Variants in ASTN1 observed in about 807,000 individuals in gnomAD.
The protein encoded by ASTN1 is astrotactin 1, also known as astrotactin-1.
ASTN1 carries 41 observed loss-of-function variants against 140.7 expected under a neutral mutation model. That is an observed-to-expected ratio of 0.29 (90% CI 0.23 to 0.38). ASTN1 has a LOEUF of 0.38. ASTN1 is among the 10% of genes least tolerant of loss of function. The pLI is 1.00. For missense variants in ASTN1, 1,479 were observed against 1,678.8 expected (o/e 0.88, Z 2.08); for synonymous variants, 640 against 652.2 (o/e 0.98, Z 0.29).
At chr1:177,105,232 T>C (rs1680494694) in intron 1 of ASTN1, among the ~76,000 whole-genome samples, 1 of 152,178 alleles carries the variant, frequency 6.6e-6, no homozygotes, top group Non-Finnish European at 1.5e-5. Flanking sequence ...TCACACTGGA[T>C]ACTTGGTAGT....
At chr1:177,136,470 A>C (rs1283943552) in intron 1 of ASTN1, among the ~76,000 whole-genome samples, 3 of 150,438 alleles carry the variant, frequency 2.0e-5, no homozygotes, top group African/African-American at 7.3e-5. Context: ...CTCCTGTCTC[A>C]GTCTTCTGAG....
Position 177,164,511 on chromosome 1 carries a change from T to G in ASTN1, c.166A>C (p.Met56Leu), listed in dbSNP as rs1467993889. ...GGCTCCGAGGCCGAGGGGCTGTGCA[T>G]GATGCTCAGGTCGTTCTCGCGCAGG... ...PFLRENDLSIMHSPSASEPKL... is the reference protein window; with the variant it reads ...PFLRENDLSILHSPSASEPKL... Residue 56 changes from methionine to leucine, a missense_variant, in exon 1 of 23, where the codon ATG becomes CTG. This residue lies in a region of ASTN1 where 729 missense variants were observed against 860.4 expected (regional missense o/e 0.85). Coordinates refer to ENST00000361833, the MANE Select transcript of ASTN1 (RefSeq NM_004319.3). 1 of 1,613,446 alleles carries G rather than the reference T, an allele frequency of 6.2e-7. No individual in the cohort carries two copies. The highest frequency in any genetic ancestry group is 1.7e-5 in the Admixed American group (1 of 59,944).
intron 16 of ASTN1, among the ~76,000 whole-genome samples, chr1:176,928,535 G>A (rs746603126): frequency 1.3e-5 from 2 of 152,180 alleles, no homozygotes; most frequent in Non-Finnish European, 2.9e-5. Flanking sequence ...CCCTGTCTGA[G>A]TGTCAGGGGA....
At chr1:176,999,672 T>A (rs1282313077) in intron 8 of ASTN1, among the ~76,000 whole-genome samples, 1 of 152,046 alleles carries the variant, frequency 6.6e-6, no homozygotes, top group African/African-American at 2.4e-5. Context: ...ACCCAAAATG[T>A]CATCTTGTAA....
chr1:176,875,248 G>A (rs1439563811), intron 21 of ASTN1, among the ~76,000 whole-genome samples: 20 of 152,118 alleles, frequency 1.3e-4, no homozygotes, highest in Admixed American at 8.5e-4. Context: ...GAATGAAAAC[G>A]GTTTTGGAAG....
chr1:177,054,548 C>A (rs1677703887), intron 2 of ASTN1, among the ~76,000 whole-genome samples: 1 of 152,194 alleles, frequency 6.6e-6, no homozygotes, highest in Non-Finnish European at 1.5e-5. Flanking sequence ...CTAAAACCAC[C>A]AGGGGAAGGC....
intron 14 of ASTN1, among the ~76,000 whole-genome samples, chr1:176,942,895 C>T (rs1323713334): frequency 8.4e-6 from 1 of 119,356 alleles, no homozygotes; most frequent in African/African-American, 3.0e-5. Context: ...CCTTAAAATG[C>T]GTAAAACCAA....
intron 1 of ASTN1, among the ~76,000 whole-genome samples, chr1:177,153,793 T>C (rs187002738): frequency 4.6e-4 from 70 of 152,230 alleles, no homozygotes; most frequent in African/African-American, 1.6e-3. Context: ...AAAAATGATA[T>C]TTGCAACTCA....
intron 14 of ASTN1, among the ~76,000 whole-genome samples, chr1:176,942,855 TATATATATATA>T (rs1557978121): frequency 7.2e-5 from 7 of 97,394 alleles, no homozygotes; most frequent in South Asian, 3.5e-4. Context: ...TATATATATA[TATATATATATA>T]GATTGATGTC....
rs1417855872 is a variant in ASTN1 at position 176,861,597 on chromosome 1, AT to A, written c.*2686del. ...CAGTCAATTGTACAACCATCCTAAG[AT>A]TTTCCCCTGCCCTGTTCATATCAGC... On this transcript the variant is annotated 3_prime_UTR_variant, in exon 23 of 23. Transcript: ENST00000361833. 1.0e-6 allele frequency: 1 copy of A among 985,372 alleles called. No individual in the cohort carries two copies. The highest frequency in any genetic ancestry group is 1.7e-5 in the African/African-American group (1 of 57,204). 61.0% of individuals were successfully genotyped at this position (985,372 alleles called of 1,614,324 possible).
intron 8 of ASTN1, among the ~76,000 whole-genome samples, chr1:176,970,254 C>T (rs1428285269): frequency 6.6e-6 from 1 of 152,194 alleles, no homozygotes; most frequent in East Asian, 1.9e-4. Flanking sequence ...TGACTTGATG[C>T]TTGTCCTTCA....
intron 15 of ASTN1, among the ~76,000 whole-genome samples, chr1:176,935,757 CTCTT>C (rs1376555368): frequency 3.3e-5 from 5 of 151,848 alleles, no homozygotes; most frequent in African/African-American, 7.3e-5. Context: ...TTCTCTCTCT[CTCTT>C]TCTCTCTCTC....
chr1:177,159,359 A>G (rs1683384096), intron 1 of ASTN1, among the ~76,000 whole-genome samples: 1 of 152,188 alleles, frequency 6.6e-6, no homozygotes, highest in African/African-American at 2.4e-5. Flanking sequence ...AGGGCTGCCA[A>G]TCTATACAAA....
At chr1:176,995,224 A>G (rs1286486258) in intron 8 of ASTN1, among the ~76,000 whole-genome samples, 4 of 152,214 alleles carry the variant, frequency 2.6e-5, no homozygotes, top group African/African-American at 4.8e-5. Flanking sequence ...AATAAGACAC[A>G]GCCCTGAACT....
At chr1:177,048,161 G>A (rs56119639) in intron 2 of ASTN1, among the ~76,000 whole-genome samples, 4,990 of 152,246 alleles carry the variant, frequency 0.033, 257 homozygotes, top group African/African-American at 0.11. Flanking sequence ...AAGGGCGGCC[G>A]CCAGAGGGGC....
At chr1:177,132,350 T>C (rs962108897) in intron 1 of ASTN1, among the ~76,000 whole-genome samples, 1 of 152,178 alleles carries the variant, frequency 6.6e-6, no homozygotes, top group Non-Finnish European at 1.5e-5. Flanking sequence ...TCGTCACCAG[T>C]AGAGATGAGT....
intron 19 of ASTN1, 58 bp from the exon 20 acceptor site, chr1:176,883,052 G>T: frequency 6.2e-7 from 1 of 1,600,890 alleles, no homozygotes; most frequent in Non-Finnish European, 8.5e-7. Context: ...CAAGCAATGA[G>T]GAGATGGAGT....
At chr1:177,161,575 A>C (rs1322753586) in intron 1 of ASTN1, among the ~76,000 whole-genome samples, 2 of 152,208 alleles carry the variant, frequency 1.3e-5, no homozygotes, top group African/African-American at 4.8e-5. Flanking sequence ...TTCCAGGCAG[A>C]GTAGCTACAT....
At chr1:177,137,905 G>A (rs956339833) in intron 1 of ASTN1, among the ~76,000 whole-genome samples, 1 of 152,140 alleles carries the variant, frequency 6.6e-6, no homozygotes, top group Admixed American at 6.5e-5. Flanking sequence ...ATGGGTCTTA[G>A]AATAGAAAAT....
Sources: gnomAD v4.1 joint callset for allele counts (sites outside exome capture counted in the v4.1 genomes callset) on GRCh38, gnomAD v4.1.1 for gene constraint, gnomAD v4.1.1 regional missense constraint, MANE v1.5 for transcripts, NCBI Gene and HGNC (gene_info 2026-07-23, HGNC 2026-07-21) for gene names.